The following TYW1B variants were observed in gnomAD, a reference collection of about 807,000 sequenced individuals.
TYW1B encodes tRNA-yW synthesizing protein 1 homolog B.
Under a neutral mutation model 86.9 loss-of-function variants are expected in TYW1B, and 73 were observed. The ratio of observed to expected loss-of-function variants is 0.84; its 90% CI spans 0.70 to 1.02. The LOEUF is 1.02. Among genes scored for constraint, TYW1B ranks in the 50% least tolerant of loss-of-function variants. The pLI is 0.00. For synonymous variants in TYW1B, 248 were observed against 292.8 expected, an observed-to-expected ratio of 0.85 and a Z score of 1.56; for missense variants, 637 against 827.4, an observed-to-expected ratio of 0.77 and a Z score of 2.82.
intron 8 of TYW1B, among the ~76,000 whole-genome samples, chr7:72,740,865 G>A (rs1165590212): frequency 6.6e-6 from 1 of 151,626 alleles, no homozygotes; most frequent in Non-Finnish European, 1.5e-5. Flanking sequence ...CAAGTAGCTG[G>A]GACTACAGGT....
intron 11 of TYW1B, among the ~76,000 whole-genome samples, chr7:72,672,100 A>C (rs1194896428): frequency 1.3e-5 from 2 of 152,104 alleles, no homozygotes; most frequent in African/African-American, 4.8e-5. Context: ...AATAAGTCTC[A>C]TGAGAGCTGA....
intron 13 of TYW1B, among the ~76,000 whole-genome samples, chr7:72,595,312 T>C (rs1416669040): frequency 6.6e-6 from 1 of 152,276 alleles, no homozygotes; most frequent in Admixed American, 6.5e-5. Flanking sequence ...AAAGTTAACA[T>C]GCAAAAATGA....
chr7:72,642,589 G>T (rs1232236745), intron 11 of TYW1B, among the ~76,000 whole-genome samples: 1 of 152,162 alleles, frequency 6.6e-6, no homozygotes, highest in Non-Finnish European at 1.5e-5. Flanking sequence ...CCATCCAAGA[G>T]AATAGTATTC....
chr7:72,720,679 G>T (rs1421430522), intron 9 of TYW1B, among the ~76,000 whole-genome samples: 2 of 152,086 alleles, frequency 1.3e-5, no homozygotes, highest in East Asian at 3.8e-4. Context: ...AAGCCTCAAG[G>T]ACTCCACTTC....
intron 6 of TYW1B, among the ~76,000 whole-genome samples, chr7:72,799,340 T>A (rs1432048196): frequency 6.7e-6 from 1 of 149,080 alleles, no homozygotes; most frequent in Admixed American, 6.7e-5. Flanking sequence ...TTTTGTATTT[T>A]TTAGTAGAGA....
In TYW1B at chr7:72,640,674, T is replaced by C. The variant is rs141680660; in HGVS notation, c.1507-11677A>G. On this transcript the variant is annotated intron_variant, in intron 11 of 13. Coordinates refer to ENST00000620995, the MANE Select transcript of TYW1B (RefSeq NM_001145440.3). ...CTAGTACCTAACAATATAGCATCAA[T>C]ATGAAGTAACAATTGACATAACTAA... 1.5e-3 allele frequency among the ~76,000 whole-genome samples: 223 copies of C among 152,186 alleles called. 1 individual carries two copies. Among genetic ancestry groups the C allele is most frequent in the Middle Eastern group, 3.4e-3 (1 of 294 alleles).
At chr7:72,792,985 G>A (rs199793604) in intron 6 of TYW1B, among the ~76,000 whole-genome samples, 73 of 148,094 alleles carry the variant, frequency 4.9e-4, no homozygotes, top group South Asian at 1.3e-3. Flanking sequence ...GCGGATCCAG[G>A]AAAAACAGGA....
At chr7:72,601,647 G>A (rs1172310488) in intron 13 of TYW1B, among the ~76,000 whole-genome samples, 7 of 149,996 alleles carry the variant, frequency 4.7e-5, no homozygotes, top group Admixed American at 2.7e-4. Flanking sequence ...TAAACCAACT[G>A]TGGTACATCC....
At position 72,713,775 on chromosome 7, in the gene TYW1B, G is replaced by C. The variant is rs782046369; in HGVS notation, c.1216C>G (p.Arg406Gly). ...FKGVPGVKAE[R>G]FEEGMTVKHC... Reference sequence around the variant, plus strand: ...TTTACCGTCATTCCTTCTTCAAAGCGTTCTGCTTTGACGCCCGGTACTCCT... The same window carrying C: ...TTTACCGTCATTCCTTCTTCAAAGCCTTCTGCTTTGACGCCCGGTACTCCT... The change falls in exon 10 of 14, where the codon CGC becomes GGC. Residue 406 changes from arginine (R) to glycine (G), a missense_variant. Physicochemically the swap from Arg to Gly is moderately radical, Grantham distance 125. Transcript: ENST00000620995. 6.3e-7 allele frequency: 1 copy of C among 1,595,062 alleles called. No homozygotes were observed. Among genetic ancestry groups the C allele is most frequent in the Non-Finnish European group, 8.6e-7 (1 of 1,167,830 alleles).
At chr7:72,704,474 C>T (rs1177441566) in intron 10 of TYW1B, among the ~76,000 whole-genome samples, 1 of 144,816 alleles carries the variant, frequency 6.9e-6, no homozygotes, top group Non-Finnish European at 1.5e-5. Context: ...CTTGGCCAGG[C>T]ATGGTGGCTC....
intron 8 of TYW1B, among the ~76,000 whole-genome samples, chr7:72,742,052 A>G (rs1585946659): frequency 6.6e-6 from 1 of 152,208 alleles, no homozygotes; most frequent in Non-Finnish European, 1.5e-5. Flanking sequence ...TACAAAGAAC[A>G]ACATAAAGGT....
At chr7:72,725,009 C>A (rs1554458429) in intron 9 of TYW1B, among the ~76,000 whole-genome samples, 1 of 152,102 alleles carries the variant, frequency 6.6e-6, no homozygotes, top group Middle Eastern at 3.2e-3. Flanking sequence ...CATAGACAAA[C>A]CATTTGAGAT....
intron 11 of TYW1B, among the ~76,000 whole-genome samples, chr7:72,669,922 C>T (rs1268971618): frequency 6.7e-6 from 1 of 150,086 alleles, no homozygotes; most frequent in African/African-American, 2.5e-5. Context: ...CAGTGAGACC[C>T]CATTTCTACA....
chr7:72,637,331 C>T (rs1333728779), intron 11 of TYW1B, among the ~76,000 whole-genome samples: 1 of 151,288 alleles, frequency 6.6e-6, no homozygotes, highest in African/African-American at 2.4e-5. Flanking sequence ...AATTATAAGT[C>T]CATGTAGATC....
chr7:72,713,512 T>G (rs1341392213), intron 10 of TYW1B, 109 bp downstream of exon 10: 1 of 1,120,366 alleles, frequency 8.9e-7, no homozygotes, highest in Non-Finnish European at 1.2e-6. Flanking sequence ...AACATTTGTA[T>G]GTAGTAAGTA....
At chr7:72,770,851 C>A (rs1242928106) in intron 7 of TYW1B, among the ~76,000 whole-genome samples, 5 of 151,652 alleles carry the variant, frequency 3.3e-5, no homozygotes, top group African/African-American at 4.8e-5. Context: ...ACTACTGATG[C>A]ATGTTACATG....
chr7:72,707,101 C>G (rs536577267), intron 10 of TYW1B, among the ~76,000 whole-genome samples: 1 of 152,322 alleles, frequency 6.6e-6, no homozygotes, highest in South Asian at 2.1e-4. Context: ...CTCCTCCTGT[C>G]CCAGTACCCA....
At chr7:72,767,244 T>C (rs1390194301) in intron 7 of TYW1B, among the ~76,000 whole-genome samples, 1 of 152,218 alleles carries the variant, frequency 6.6e-6, no homozygotes, top group Non-Finnish European at 1.5e-5. Context: ...ACCCCTGTTA[T>C]TGATCTTTGC....
Position 72,661,145 on chromosome 7 carries a change from A to G in TYW1B, c.1507-32148T>C, listed in dbSNP as rs560690551. On this transcript the variant is annotated intron_variant, in intron 11 of 13. Transcript: ENST00000620995. Reference sequence around the variant, plus strand: ...GTAAGACTCTGTCTCCAAAAAAAAAAAAGAAGAAGAAGAAGAATATAATGG... The same window carrying G: ...GTAAGACTCTGTCTCCAAAAAAAAAGAAGAAGAAGAAGAAGAATATAATGG... Among the ~76,000 whole-genome samples the G allele has an allele frequency of 1.1e-3, 171 of 150,520 alleles. 2 individuals carry two copies. Among genetic ancestry groups the G allele is most frequent in the African/African-American group, 3.7e-3 (152 of 41,088 alleles).
Sources: allele counts gnomAD v4.1 joint callset (sites outside exome capture counted in the v4.1 genomes callset), GRCh38; gene constraint gnomAD v4.1.1; transcripts MANE v1.5; gene names NCBI Gene and HGNC (gene_info 2026-07-23, HGNC 2026-07-21).